NXNL2: variants seen among roughly 807,000 people sequenced by gnomAD.
NXNL2 encodes nucleoredoxin like 2, also known as nucleoredoxin-like protein 2.
In NXNL2, 7 loss-of-function variants were observed where a neutral mutation model predicts 11.1. The ratio of observed to expected loss-of-function variants is 0.63; its 90% CI spans 0.36 to 1.18. The LOEUF (loss-of-function observed/expected upper bound fraction) is 1.18, where lower values mean the gene tolerates loss of function less well. Among genes scored for constraint, NXNL2 ranks in the 50% most tolerant of loss-of-function variants. NXNL2 has a pLI of 0.02. For synonymous variants in NXNL2, 109 were observed against 101.8 expected (o/e 1.07, Z -0.42); for missense variants, 233 against 217.7 (o/e 1.07, Z -0.44).
chr9:88,565,400 G>T (rs1465983590), intron 1 of NXNL2, among the ~76,000 whole-genome samples: 1 of 152,156 alleles, frequency 6.6e-6, no homozygotes, highest in East Asian at 1.9e-4. Context: ...TGGATCATAT[G>T]AGAGTTCTAT....
chr9:88,549,845 T>A (rs1442561973), downstream of NXNL2, among the ~76,000 whole-genome samples: 1 of 152,052 alleles, frequency 6.6e-6, no homozygotes, highest in Non-Finnish European at 1.5e-5. Context: ...TTTTTTTGTT[T>A]TTTTAGATGG....
intron 1 of NXNL2, among the ~76,000 whole-genome samples, chr9:88,555,394 A>G (rs1829994496): frequency 1.3e-5 from 2 of 152,122 alleles, no homozygotes; most frequent in Non-Finnish European, 2.9e-5. Context: ...TTACCATGGC[A>G]TCTGTTAACT....
downstream of NXNL2, among the ~76,000 whole-genome samples, chr9:88,576,902 C>G (rs986512145): frequency 6.6e-6 from 1 of 152,138 alleles, no homozygotes; most frequent in South Asian, 2.1e-4. Context: ...TTAAGGGGCT[C>G]CAACACTGTG....
At chr9:88,575,763 AAC>A (rs1830341535) in exon 3 of NXNL2, 1 of 152,244 alleles carries the variant, frequency 6.6e-6, no homozygotes, top group South Asian at 2.1e-4. Context: ...CATTGTTTGT[AAC>A]ACAAAAGATA....
At chr9:88,577,316 A>C (rs1830360196), downstream of NXNL2, among the ~76,000 whole-genome samples, 1 of 151,874 alleles carries the variant, frequency 6.6e-6, no homozygotes, top group African/African-American at 2.4e-5. Context: ...GGGCGGCATG[A>C]GACCATCAGG....
At position 88,544,619 on chromosome 9, in the gene NXNL2, T is replaced by C. The variant is rs992371798; in HGVS notation, c.*72T>C. The C allele has an allele frequency of 8.3e-6, 12 of 1,451,450 alleles. No individual in the cohort carries two copies. The highest frequency in any genetic ancestry group is 1.1e-5 in the Non-Finnish European group (12 of 1,098,998). 89.9% of individuals were successfully genotyped at this position (1,451,450 alleles called of 1,614,324 possible). ...ACCGACGCTGGGGCAAAGAGGAGCA[T>C]GTTGGGTTCCTTCCTCTGTTGGTGT... On this transcript the variant is annotated 3_prime_UTR_variant, in exon 2 of 2. Coordinates refer to ENST00000375854, the MANE Select transcript of NXNL2 (RefSeq NM_001161625.2).
chr9:88,538,163 G>A (rs569480559), intron 1 of NXNL2, among the ~76,000 whole-genome samples: 13 of 152,308 alleles, frequency 8.5e-5, no homozygotes, highest in African/African-American at 3.1e-4. Context: ...TGCCTCTCAT[G>A]TGCAGCTCCA....
intron 1 of NXNL2, chr9:88,538,266 C>T (rs1829671081): frequency 6.6e-6 from 1 of 152,224 alleles, no homozygotes; most frequent in South Asian, 2.1e-4. Flanking sequence ...ATGACCACCT[C>T]CACCCTCCTG....
chr9:88,560,841 G>C (rs1830076652), intron 1 of NXNL2, among the ~76,000 whole-genome samples: 1 of 152,114 alleles, frequency 6.6e-6, no homozygotes, highest in South Asian at 2.1e-4. Flanking sequence ...GTGTAGAGAG[G>C]AGTGGCCTTG....
chr9:88,572,370 A>G (rs1379013805), intron 2 of NXNL2, among the ~76,000 whole-genome samples: 2 of 152,072 alleles, frequency 1.3e-5, no homozygotes, highest in Non-Finnish European at 2.9e-5. Context: ...CCTCCCACCT[A>G]TAGTAGGAAA....
chr9:88,535,184 G>C lies in NXNL2; in HGVS notation c.-251G>C. On this transcript the variant is annotated 5_prime_UTR_variant, in exon 1 of 2. Transcript: ENST00000375854. ...CCTGGCTGGCCCCGCTCCCAGAGGC[G>C]GGTGCCGCGCTGTCGCCCAGGTATC... 1 of 525,734 alleles carries C rather than the reference G, an allele frequency of 1.9e-6. No homozygotes were observed. Among genetic ancestry groups the C allele is most frequent in the Non-Finnish European group, 3.3e-6 (1 of 302,060 alleles). The allele number at this position is 525,734 out of a possible 1,614,324, so 32.6% of individuals were successfully genotyped here.
chr9:88,535,772 G>A, intron 1 of NXNL2, 36 bp downstream of exon 1: 1 of 1,499,372 alleles, frequency 6.7e-7, no homozygotes, highest in Non-Finnish European at 8.9e-7. Context: ...GGGCCGCCCG[G>A]CACGTCTCCC....
chr9:88,578,838 C>T (rs556231156), downstream of NXNL2, among the ~76,000 whole-genome samples: 13 of 152,340 alleles, frequency 8.5e-5, no homozygotes, highest in African/African-American at 3.1e-4. Context: ...AACTGATTCA[C>T]GGGGAAAGGG....
downstream of NXNL2, among the ~76,000 whole-genome samples, chr9:88,547,754 T>C (rs1227985272): frequency 6.6e-6 from 1 of 152,178 alleles, no homozygotes; most frequent in African/African-American, 2.4e-5. Flanking sequence ...TGGTGGCTCA[T>C]GCCTATAATC....
intron 1 of NXNL2, among the ~76,000 whole-genome samples, chr9:88,568,219 A>G (rs1830206811): frequency 1.3e-5 from 2 of 152,218 alleles, no homozygotes; most frequent in South Asian, 4.1e-4. Flanking sequence ...AACTAACTGC[A>G]TCTTTAACAA....
intron 1 of NXNL2, among the ~76,000 whole-genome samples, chr9:88,561,138 A>T (rs1830080159): frequency 6.6e-6 from 1 of 152,146 alleles, no homozygotes; most frequent in Non-Finnish European, 1.5e-5. Context: ...TAGGGAAGGC[A>T]GTCACCTTAG....
chr9:88,562,590 T>C (rs1465500929), intron 1 of NXNL2, among the ~76,000 whole-genome samples: 7 of 151,758 alleles, frequency 4.6e-5, no homozygotes, highest in Non-Finnish European at 1.0e-4. Context: ...CCATTTCTAC[T>C]AAAAATACAA....
chr9:88,545,373 A>C (rs1242421476), downstream of NXNL2, among the ~76,000 whole-genome samples: 1 of 152,124 alleles, frequency 6.6e-6, no homozygotes, highest in African/African-American at 2.4e-5. Context: ...TTATCCAATC[A>C]GCTGGGATTG....
At chr9:88,560,215 G>T (rs1487233501) in intron 1 of NXNL2, among the ~76,000 whole-genome samples, 2 of 151,974 alleles carry the variant, frequency 1.3e-5, no homozygotes, top group African/African-American at 4.8e-5. Context: ...TGGACCTCTG[G>T]ATGTGGATGC....
Sources: allele counts gnomAD v4.1 joint callset (sites outside exome capture counted in the v4.1 genomes callset), GRCh38; gene constraint gnomAD v4.1.1; transcripts MANE v1.5; gene names NCBI Gene and HGNC (gene_info 2026-07-23, HGNC 2026-07-21).